NTSR1: variants seen among roughly 807,000 people sequenced by gnomAD.
The protein encoded by NTSR1 is neurotensin receptor type 1.
A neutral mutation model predicts 31.2 loss-of-function variants in NTSR1; 29 were observed. The ratio of observed to expected loss-of-function variants is 0.93; its 90% CI spans 0.69 to 1.27. The LOEUF is 1.27. NTSR1 is among the 50% of genes most tolerant of loss of function. The pLI is 0.00. For synonymous variants in NTSR1, 282 were observed against 269.9 expected (o/e 1.04, Z -0.44); for missense variants, 697 against 595.4 (o/e 1.17, Z -1.78).
At chr20:62,730,957 T>G (rs924255505) in intron 1 of NTSR1, among the ~76,000 whole-genome samples, 4 of 152,258 alleles carry the variant, frequency 2.6e-5, no homozygotes, top group Non-Finnish European at 5.9e-5. Flanking sequence ...GTAAAAGTTC[T>G]TTATATATTT....
At chr20:62,759,788 A>G (rs1989581649) in intron 3 of NTSR1, among the ~76,000 whole-genome samples, 1 of 148,970 alleles carries the variant, frequency 6.7e-6, no homozygotes, top group East Asian at 2.0e-4. Flanking sequence ...AAAAAAAAAA[A>G]AGCAGCAGCA....
intron 1 of NTSR1, among the ~76,000 whole-genome samples, chr20:62,724,384 C>T (rs887711255): frequency 1.3e-5 from 2 of 152,186 alleles, no homozygotes; most frequent in East Asian, 1.9e-4. Context: ...GGCCCCTACC[C>T]TGGCGAACCT....
Position 62,741,615 on chromosome 20 carries a change from C to G in NTSR1, c.715-13070C>G, listed in dbSNP as rs142129418. On this transcript the variant is annotated intron_variant, in intron 1 of 3. Coordinates refer to ENST00000370501, the MANE Select transcript of NTSR1 (RefSeq NM_002531.3). This position sits in a 1 kb window ranked among gnomAD's most constrained non-coding sequence, Gnocchi z 4.3. ...TGAACCCCTGAGGCTCCCTGGGGCTCTGGCATTCTCTTGAGCCTTTCCCAG... is the reference window on the plus strand; with the variant it reads ...TGAACCCCTGAGGCTCCCTGGGGCTGTGGCATTCTCTTGAGCCTTTCCCAG... Among the ~76,000 whole-genome samples, 382 of 149,830 alleles carry G rather than the reference C, an allele frequency of 2.5e-3. 15 individuals carry two copies. Among genetic ancestry groups the G allele is most frequent in the East Asian group, 7.1e-3 (32 of 4,476 alleles).
In NTSR1 at chr20:62,742,947, G is replaced by C. The variant is rs994238493; in HGVS notation, c.715-11738G>C. Among the ~76,000 whole-genome samples, 2 of 149,634 alleles carry C rather than the reference G, an allele frequency of 1.3e-5. 1 individual carries two copies. The highest frequency in any genetic ancestry group is 5.0e-5 in the African/African-American group (2 of 40,070). On this transcript the variant is annotated intron_variant, in intron 1 of 3. Transcript: ENST00000370501. The surrounding 1 kb of genome is among the most constrained non-coding windows in gnomAD (Gnocchi z 7.1). ...GCACCTGTCACGGGACATACCCACAGCACAGGCAAGTGGAACGTTCTCTGA... is the reference window on the plus strand; with the variant it reads ...GCACCTGTCACGGGACATACCCACACCACAGGCAAGTGGAACGTTCTCTGA...
intron 1 of NTSR1, among the ~76,000 whole-genome samples, chr20:62,717,540 C>T (rs1988753553): frequency 1.3e-5 from 2 of 152,156 alleles, no homozygotes; most frequent in Admixed American, 1.3e-4. Flanking sequence ...GTAGCGATTG[C>T]CCTGCAGTCT....
chr20:62,735,686 G>T (rs926936411), intron 1 of NTSR1, among the ~76,000 whole-genome samples: 1 of 152,192 alleles, frequency 6.6e-6, no homozygotes, highest in Non-Finnish European at 1.5e-5. Context: ...CCCTGGCTTG[G>T]GGGGTGGGTA....
At chr20:62,747,902 G>A (rs548218873) in intron 1 of NTSR1, among the ~76,000 whole-genome samples, 27 of 152,188 alleles carry the variant, frequency 1.8e-4, no homozygotes, top group African/African-American at 2.7e-4. Context: ...AGGGCCAGGC[G>A]CAGTGGCTGA....
Position 62,742,696 on chromosome 20 carries a change from C to A in NTSR1, c.715-11989C>A, listed in dbSNP as rs909327118. Among the ~76,000 whole-genome samples the A allele has an allele frequency of 6.7e-6, 1 of 149,448 alleles. No homozygotes were observed. The highest frequency in any genetic ancestry group is 2.1e-4 in the South Asian group (1 of 4,770). On this transcript the variant is annotated intron_variant, in intron 1 of 3. Coordinates refer to ENST00000370501, the MANE Select transcript of NTSR1 (RefSeq NM_002531.3). The surrounding 1 kb of genome is among the most constrained non-coding windows in gnomAD (Gnocchi z 7.1). ...CCCTCCATGGTGTCTCCTCTGAGGA[C>A]AGCCACTGGTCAGAGCCTCCTGGAT...
In NTSR1 at chr20:62,709,674, C is replaced by T. The variant is rs745543746; in HGVS notation, c.467C>T (p.Ala156Val). 6 of 1,612,734 alleles carry T rather than the reference C, an allele frequency of 3.7e-6. No homozygotes were observed. Among genetic ancestry groups the T allele is most frequent in the South Asian group, 2.2e-5 (2 of 91,066 alleles). Reference sequence around the variant, plus strand: ...CGCGACGCCTGCACCTACGCCACGGCCCTCAACGTGGCCAGCCTGAGTGTG... The same window carrying T: ...CGCGACGCCTGCACCTACGCCACGGTCCTCAACGTGGCCAGCCTGAGTGTG... ...FLRDACTYATALNVASLSVER... is the reference protein window; with the variant it reads ...FLRDACTYATVLNVASLSVER... The change falls in exon 1 of 4, where the codon GCC becomes GTC. Residue 156 changes from alanine to valine, a missense_variant. By Grantham distance (64) the Ala-to-Val change is moderately conservative. Transcript: ENST00000370501.
rs1989032426 is a variant in NTSR1, at chr20:62,733,308, A to G, written c.715-21377A>G. 6.6e-6 allele frequency: 1 copy of G among 152,180 alleles called. No homozygotes were observed. Among genetic ancestry groups the G allele is most frequent in the Non-Finnish European group, 1.5e-5 (1 of 68,030 alleles). 9.4% of individuals were successfully genotyped at this position (152,180 alleles called of 1,614,324 possible). A position where few individuals can be genotyped will look rare whatever the true frequency, so the allele number is the denominator to read the frequency against. ...AGCTCTGGGAAGGCTGAAAATTAGC[A>G]CCAATTAGGGAAGAATGAAGCTCTT... On this transcript the variant is annotated intron_variant, in intron 1 of 3. Coordinates refer to ENST00000370501, the MANE Select transcript of NTSR1 (RefSeq NM_002531.3). This position sits in a 1 kb window ranked among gnomAD's most constrained non-coding sequence, Gnocchi z 5.2.
At chr20:62,728,840 C>T (rs942964493) in intron 1 of NTSR1, among the ~76,000 whole-genome samples, 1 of 152,208 alleles carries the variant, frequency 6.6e-6, no homozygotes, top group Non-Finnish European at 1.5e-5. Context: ...CACCCAGAAC[C>T]GGCCCTCAGT....
chr20:62,742,696 C>T lies in NTSR1; in HGVS notation c.715-11989C>T, dbSNP rs909327118. On this transcript the variant is annotated intron_variant, in intron 1 of 3. Coordinates refer to ENST00000370501, the MANE Select transcript of NTSR1 (RefSeq NM_002531.3). This position sits in a 1 kb window ranked among gnomAD's most constrained non-coding sequence, Gnocchi z 7.1. ...CCCTCCATGGTGTCTCCTCTGAGGA[C>T]AGCCACTGGTCAGAGCCTCCTGGAT... 6.7e-6 allele frequency among the ~76,000 whole-genome samples: 1 copy of T among 149,564 alleles called. No individual in the cohort carries two copies. The highest frequency in any genetic ancestry group is 2.1e-4 in the South Asian group (1 of 4,766).
chr20:62,725,895 G>A (rs1440199601), intron 1 of NTSR1, among the ~76,000 whole-genome samples: 2 of 152,148 alleles, frequency 1.3e-5, no homozygotes, highest in African/African-American at 2.4e-5. Flanking sequence ...CAGGAAGAGC[G>A]TGGAAAGGTG....
chr20:62,716,068 G>C (rs1988710419), intron 1 of NTSR1, among the ~76,000 whole-genome samples: 1 of 152,218 alleles, frequency 6.6e-6, no homozygotes, highest in South Asian at 2.1e-4. Context: ...AAAATGTGCT[G>C]TTTTACCATC....
At chr20:62,746,304 G>A (rs1433370593) in intron 1 of NTSR1, among the ~76,000 whole-genome samples, 2 of 152,196 alleles carry the variant, frequency 1.3e-5, no homozygotes, top group Non-Finnish European at 2.9e-5. Context: ...GAGATGAGAA[G>A]TCACCTCCAA....
At chr20:62,725,453 G>A (rs957717096) in intron 1 of NTSR1, among the ~76,000 whole-genome samples, 9 of 152,168 alleles carry the variant, frequency 5.9e-5, no homozygotes, top group Admixed American at 2.6e-4. Flanking sequence ...CTGCACTGTC[G>A]GCCCCGTCTC....
Position 62,745,226 on chromosome 20 carries a change from GAGAGACACAGAGAGGAAAGC to G in NTSR1, c.715-9444_715-9425del, listed in dbSNP as rs1047323621. Among the ~76,000 whole-genome samples the G allele has an allele frequency of 1.3e-5, 2 of 152,280 alleles. No individual in the cohort carries two copies. The highest frequency in any genetic ancestry group is 1.9e-4 in the East Asian group (1 of 5,182). ...ACAGACAGCAACACAAAGACAGAGA[GAGAGACACAGAGAGGAAAGC>G]AGAGACACAGAGAGACATGGAGAGA... On this transcript the variant is annotated intron_variant, in intron 1 of 3. Transcript: ENST00000370501. The surrounding 1 kb of genome is among the most constrained non-coding windows in gnomAD (Gnocchi z 4.1).
chr20:62,734,900 T>C (rs1989061852), intron 1 of NTSR1, among the ~76,000 whole-genome samples: 1 of 152,242 alleles, frequency 6.6e-6, no homozygotes, highest in South Asian at 2.1e-4. Flanking sequence ...GTGGCCTGCA[T>C]CCTATTTCCA....
chr20:62,734,300 C>CA (rs143622816), intron 1 of NTSR1, among the ~76,000 whole-genome samples: 38,749 of 137,888 alleles, frequency 0.28, 5,275 homozygotes, highest in Middle Eastern at 0.37. Flanking sequence ...CCCTTCCCCG[C>CA]AAAAAAAAAA....
Sources: allele counts gnomAD v4.1 joint callset (sites outside exome capture counted in the v4.1 genomes callset), GRCh38; gene constraint gnomAD v4.1.1; non-coding constraint Gnocchi (gnomAD v3.1); transcripts MANE v1.5; gene names NCBI Gene and HGNC (gene_info 2026-07-23, HGNC 2026-07-21).